The following LRRC4B variants were observed in gnomAD, a reference collection of about 807,000 sequenced individuals.
LRRC4B encodes leucine-rich repeat-containing protein 4B.
In LRRC4B, 1 loss-of-function variant was observed where a neutral mutation model predicts 7.3. The observed-to-expected ratio is 0.14, with a 90% CI of 0.05 to 0.65. The LOEUF (loss-of-function observed/expected upper bound fraction) is 0.65. Ranked by LOEUF, LRRC4B falls within the 30% of genes least tolerant of loss-of-function variation. The pLI, the probability that LRRC4B is intolerant of heterozygous loss-of-function variation, is 0.84. For synonymous variants in LRRC4B, 500 were observed against 499.2 expected (o/e 1.00, Z -0.02); for missense variants, 730 against 1,041.6 (o/e 0.70, Z 4.12).
chr19:50,547,108 T>G (rs8109737), intron 2 of LRRC4B, among the ~76,000 whole-genome samples: 49,398 of 152,120 alleles, frequency 0.32, 8,358 homozygotes, highest in Admixed American at 0.41. Flanking sequence ...GAATGTCACC[T>G]GCTCAAGGGA....
chr19:50,567,111 T>G (rs973884281), intron 1 of LRRC4B, among the ~76,000 whole-genome samples: 1 of 55,502 alleles, frequency 1.8e-5, no homozygotes, highest in Non-Finnish European at 3.4e-5. Context: ...GTCGGAAGCC[T>G]GGGGAGGAGG....
In LRRC4B at chr19:50,560,178, C is replaced by G. The variant is rs896684124; in HGVS notation, c.-36+7766G>C. ...ACAAAAAACTGCAGATTCTGCATCGCCATATCTAGGGTGAGGCTGTCATTC... is the reference window on the plus strand; with the variant it reads ...ACAAAAAACTGCAGATTCTGCATCGGCATATCTAGGGTGAGGCTGTCATTC... On this transcript the variant is annotated intron_variant, in intron 1 of 2. Coordinates refer to ENST00000652263, the MANE Select transcript of LRRC4B (RefSeq NM_001080457.2). Among the ~76,000 whole-genome samples, 6 of 152,200 alleles carry G rather than the reference C, an allele frequency of 3.9e-5. No individual in the cohort carries two copies. The South Asian group carries it at 1.2e-3, about 32-fold the overall frequency.
In LRRC4B at chr19:50,548,233, AG is replaced by A. The variant is rs534428511; in HGVS notation, c.297+308del. Among the ~76,000 whole-genome samples the A allele has an allele frequency of 1.5e-4, 23 of 152,274 alleles. No individual in the cohort carries two copies. The East Asian group carries it at 3.5e-3, about 23-fold the overall frequency. Reference sequence around the variant, plus strand: ...GTGAAAGGGTTGCTCTCCACACCCCAGGGACTCCAGGGCTCGGCCTAGGCCG... The same window carrying A: ...GTGAAAGGGTTGCTCTCCACACCCCAGGACTCCAGGGCTCGGCCTAGGCCG... On this transcript the variant is annotated intron_variant, in intron 2 of 2. Coordinates refer to ENST00000652263, the MANE Select transcript of LRRC4B (RefSeq NM_001080457.2). This position sits in a 1 kb window ranked among gnomAD's most constrained non-coding sequence, Gnocchi z 6.8.
chr19:50,518,843 C>A lies in LRRC4B; in HGVS notation c.870G>T (p.Met290Ile). The change falls in exon 3 of 3, where the codon ATG becomes ATT. Residue 290 changes from methionine (M) to isoleucine (I), a missense_variant. Physicochemically the swap from Met to Ile is conservative, Grantham distance 10. Coordinates refer to ENST00000652263, the MANE Select transcript of LRRC4B (RefSeq NM_001080457.2). The stretch of plus-strand genomic sequence containing the variant: ...GCGTGAAGAGGTCGTGGGGCAGCGA[C>A]ATCAGGTTGTTGTGGGACAGGTTGA... ...EELNLSHNNL[M>I]SLPHDLFTPL... is the part of the protein sequence containing the mutation. 6.2e-7 allele frequency: 1 copy of A among 1,614,058 alleles called. No individual in the cohort carries two copies. Among genetic ancestry groups the A allele is most frequent in the Non-Finnish European group, 8.5e-7 (1 of 1,179,962 alleles).
At chr19:50,565,037 G>C (rs141791052) in intron 1 of LRRC4B, among the ~76,000 whole-genome samples, 1 of 152,196 alleles carries the variant, frequency 6.6e-6, no homozygotes, top group Non-Finnish European at 1.5e-5. Flanking sequence ...TGACCTCTCG[G>C]ACGGCGAGGA....
chr19:50,567,024 T>G (rs1321260388), intron 1 of LRRC4B, among the ~76,000 whole-genome samples: 2 of 147,212 alleles, frequency 1.4e-5, no homozygotes, highest in Admixed American at 6.7e-5. Context: ...ATCTGGGGGA[T>G]TGTCAGAGAT....
At chr19:50,554,932 A>G (rs1982219586) in intron 1 of LRRC4B, among the ~76,000 whole-genome samples, 1 of 152,150 alleles carries the variant, frequency 6.6e-6, no homozygotes, top group African/African-American at 2.4e-5. Context: ...ATTCCCATGG[A>G]GGCTGCCTGT....
At chr19:50,520,267 T>A (rs1315021364) in intron 2 of LRRC4B, among the ~76,000 whole-genome samples, 415 of 41,384 alleles carry the variant, frequency 0.01, 2 homozygotes, top group Admixed American at 0.013. Context: ...AAAAGAAAAA[T>A]GAACAAACAA....
At chr19:50,554,922 A>G (rs988423622) in intron 1 of LRRC4B, among the ~76,000 whole-genome samples, 3 of 152,152 alleles carry the variant, frequency 2.0e-5, no homozygotes, top group African/African-American at 7.2e-5. Context: ...AGCAGCAACA[A>G]TTCCCATGGA....
At chr19:50,525,320 T>C (rs769161121) in intron 2 of LRRC4B, among the ~76,000 whole-genome samples, 5 of 152,096 alleles carry the variant, frequency 3.3e-5, no homozygotes, top group Non-Finnish European at 5.9e-5. Flanking sequence ...ATCGTTATCG[T>C]TGGCGTTGAG....
At chr19:50,530,001 C>T (rs1324343238) in intron 2 of LRRC4B, among the ~76,000 whole-genome samples, 3 of 151,762 alleles carry the variant, frequency 2.0e-5, no homozygotes, top group Non-Finnish European at 1.5e-5. Context: ...AGCTCATCCT[C>T]CCCGTCCAAA....
At chr19:50,561,518 G>A (rs963783045) in intron 1 of LRRC4B, among the ~76,000 whole-genome samples, 5 of 152,150 alleles carry the variant, frequency 3.3e-5, no homozygotes, top group African/African-American at 1.2e-4. Flanking sequence ...AGGATCGCAT[G>A]AGCTCAGGAA....
At chr19:50,538,009 C>A (rs1981364124) in intron 2 of LRRC4B, among the ~76,000 whole-genome samples, 1 of 152,150 alleles carries the variant, frequency 6.6e-6, no homozygotes, top group Admixed American at 6.5e-5. Flanking sequence ...GAGAGGTCAG[C>A]TCCTAGATTC....
chr19:50,535,854 C>A (rs1179625112), intron 2 of LRRC4B, among the ~76,000 whole-genome samples: 1 of 152,234 alleles, frequency 6.6e-6, no homozygotes, highest in Non-Finnish European at 1.5e-5. Context: ...TGGCTACCCG[C>A]CTCCCACCCT....
At chr19:50,527,352 T>C (rs1464115427) in intron 2 of LRRC4B, among the ~76,000 whole-genome samples, 2 of 141,604 alleles carry the variant, frequency 1.4e-5, no homozygotes, top group Non-Finnish European at 3.0e-5. Flanking sequence ...TTTTTTCTTT[T>C]TTTTTTTTTT....
At chr19:50,561,590 CT>C (rs1407058522) in intron 1 of LRRC4B, among the ~76,000 whole-genome samples, 1 of 151,910 alleles carries the variant, frequency 6.6e-6, no homozygotes, top group Non-Finnish European at 1.5e-5. Context: ...CAAAAATTAG[CT>C]GGGTGTGGTG....
intron 2 of LRRC4B, among the ~76,000 whole-genome samples, chr19:50,538,038 T>C (rs895417612): frequency 6.6e-6 from 1 of 152,188 alleles, no homozygotes; most frequent in African/African-American, 2.4e-5. Context: ...AGATCCTCCC[T>C]TCCGCCATTT....
chr19:50,517,795 T>A lies in LRRC4B; in HGVS notation c.1918A>T (p.Ser640Cys). Residue 640 changes from serine to cysteine, a missense_variant, in exon 3 of 3, where the codon AGT becomes TGT. This residue lies in a region of LRRC4B where 160 missense variants were observed against 163.9 expected (regional missense o/e 0.98). Coordinates refer to ENST00000652263, the MANE Select transcript of LRRC4B (RefSeq NM_001080457.2). This position sits in a 1 kb window ranked among gnomAD's most constrained non-coding sequence, Gnocchi z 6.6. ...CTGTCCCCGCCCACACCACCCCCAC[T>A]GGCCACGGCGGCCGCGGCGGCCACG... ...VSVAAAAAVASGGGVGGDSHL... is the reference protein window; with the variant it reads ...VSVAAAAAVACGGGVGGDSHL... 1.3e-6 allele frequency: 2 copies of A among 1,533,202 alleles called. No homozygotes were observed. Among genetic ancestry groups the A allele is most frequent in the Non-Finnish European group, 1.7e-6 (2 of 1,146,382 alleles). The allele number at this position is 1,533,202 out of a possible 1,614,324, so 95.0% of individuals were successfully genotyped here. A position where few individuals can be genotyped will look rare whatever the true frequency, so the allele number is the denominator to read the frequency against.
intron 1 of LRRC4B, among the ~76,000 whole-genome samples, chr19:50,562,742 GTTT>G: frequency 7.8e-6 from 1 of 128,370 alleles, no homozygotes; most frequent in East Asian, 2.3e-4. Context: ...TTTTTTTTTT[GTTT>G]TTTTTTTTTT....
Sources: allele counts gnomAD v4.1 joint callset (sites outside exome capture counted in the v4.1 genomes callset), GRCh38; gene constraint gnomAD v4.1.1; regional missense constraint gnomAD v4.1.1; non-coding constraint Gnocchi (gnomAD v3.1); transcripts MANE v1.5; gene names NCBI Gene and HGNC (gene_info 2026-07-23, HGNC 2026-07-21).